The following MECOM variants were observed in gnomAD, a reference collection of about 807,000 sequenced individuals.
MECOM encodes histone-lysine N-methyltransferase MECOM.
Under a neutral mutation model 116.3 loss-of-function variants are expected in MECOM, and 13 were observed. The ratio of observed to expected loss-of-function variants is 0.11; its 90% CI spans 0.07 to 0.18. The LOEUF (loss-of-function observed/expected upper bound fraction) is 0.18. Ranked by LOEUF, MECOM falls within the 10% of genes least tolerant of loss-of-function variation. The probability of loss-of-function intolerance (pLI) is 1.00; values close to 1 mark genes in which losing one functional copy is unlikely to be tolerated. For missense variants in MECOM, 1,299 were observed against 1,509.0 expected, an observed-to-expected ratio of 0.86 and a Z score of 2.31; for synonymous variants, 528 against 535.2, an observed-to-expected ratio of 0.99 and a Z score of 0.19.
intron 2 of MECOM, among the ~76,000 whole-genome samples, chr3:169,220,806 T>C (rs1752043315): frequency 6.6e-6 from 1 of 152,182 alleles, no homozygotes; most frequent in Non-Finnish European, 1.5e-5. Flanking sequence ...ACTTTTTTAT[T>C]GTCTTTTCTC....
intron 2 of MECOM, among the ~76,000 whole-genome samples, chr3:169,303,526 G>A (rs1717142488): frequency 6.6e-6 from 1 of 152,176 alleles, no homozygotes; most frequent in South Asian, 2.1e-4. Context: ...GAACACTCAA[G>A]TGTAAGATAA....
At chr3:169,567,918 A>G (rs1269014525) in intron 1 of MECOM, among the ~76,000 whole-genome samples, 1 of 152,192 alleles carries the variant, frequency 6.6e-6, no homozygotes. Flanking sequence ...AAAACAAAAA[A>G]GGAGAGGGGC....
At chr3:169,555,787 C>T (rs2109332955) in intron 1 of MECOM, among the ~76,000 whole-genome samples, 1 of 152,294 alleles carries the variant, frequency 6.6e-6, no homozygotes, top group Middle Eastern at 3.4e-3. Context: ...ACTTTAATAC[C>T]TGTTGGAACA....
intron 2 of MECOM, among the ~76,000 whole-genome samples, chr3:169,155,293 T>C (rs1741785560): frequency 6.6e-6 from 1 of 152,186 alleles, no homozygotes; most frequent in Non-Finnish European, 1.5e-5. Context: ...AATATTGCCA[T>C]ACTTGCCTTA....
intron 2 of MECOM, among the ~76,000 whole-genome samples, chr3:169,235,278 A>G (rs1307979620): frequency 6.6e-6 from 1 of 152,186 alleles, no homozygotes; most frequent in Non-Finnish European, 1.5e-5. Context: ...TCCTCTTTTT[A>G]GAGCTGGAGA....
At chr3:169,183,879 T>C (rs1482868364) in intron 2 of MECOM, among the ~76,000 whole-genome samples, 1 of 151,230 alleles carries the variant, frequency 6.6e-6, no homozygotes, top group East Asian at 1.9e-4. Flanking sequence ...TCTTTTTTTT[T>C]AGTGAGACGG....
At chr3:169,194,623 G>C (rs1185100621) in intron 2 of MECOM, among the ~76,000 whole-genome samples, 1 of 151,852 alleles carries the variant, frequency 6.6e-6, no homozygotes, top group Non-Finnish European at 1.5e-5. Context: ...TTACACATCT[G>C]GAAAGCCATA....
At chr3:169,138,827 C>T (rs529349275) in intron 3 of MECOM, among the ~76,000 whole-genome samples, 6 of 151,952 alleles carry the variant, frequency 3.9e-5, no homozygotes, top group South Asian at 2.1e-4. Context: ...TTGTACTAAT[C>T]GAAAGATGCA....
At chr3:169,609,800 A>G (rs1384977006) in intron 1 of MECOM, among the ~76,000 whole-genome samples, 1 of 152,192 alleles carries the variant, frequency 6.6e-6, no homozygotes, top group Non-Finnish European at 1.5e-5. Flanking sequence ...CATTATTAAT[A>G]GCTATTAGGT....
chr3:169,478,049 C>T (rs1750754078), intron 1 of MECOM, among the ~76,000 whole-genome samples: 1 of 152,092 alleles, frequency 6.6e-6, no homozygotes, highest in African/African-American at 2.4e-5. Context: ...AACAAATGTC[C>T]TAGCAAACTG....
At position 169,524,659 on chromosome 3, in the gene MECOM, A is replaced by G. The variant is rs187506125; in HGVS notation, c.37+138677T>C. Among the ~76,000 whole-genome samples, 3 of 152,330 alleles carry G rather than the reference A, an allele frequency of 2.0e-5. No individual in the cohort carries two copies. In the East Asian group the frequency reaches 5.8e-4, roughly 29 times the overall value. On this transcript the variant is annotated intron_variant, in intron 1 of 16. Transcript: ENST00000651503. ...GGGACCCAGATACCACCATGATTTA[A>G]GTAAACAACAACCCTACTGAATTTA...
intron 2 of MECOM, among the ~76,000 whole-genome samples, chr3:169,267,323 A>G (rs1758432717): frequency 6.6e-6 from 1 of 152,212 alleles, no homozygotes; most frequent in African/African-American, 2.4e-5. Context: ...GTGTTGATTG[A>G]GACCCGGTGT....
At chr3:169,151,792 TA>T (rs1351705365) in intron 2 of MECOM, among the ~76,000 whole-genome samples, 1 of 152,212 alleles carries the variant, frequency 6.6e-6, no homozygotes, top group Non-Finnish European at 1.5e-5. Context: ...AGAAATAATG[TA>T]AGTATGTCTT....
chr3:169,298,491 T>A (rs909081565), intron 2 of MECOM, among the ~76,000 whole-genome samples: 8 of 151,926 alleles, frequency 5.3e-5, no homozygotes, highest in African/African-American at 1.7e-4. Context: ...CATCTATTTA[T>A]ATATACATAT....
chr3:169,084,159 A>C lies in MECOM; in HGVS notation c.*750T>G, dbSNP rs2148803019. On this transcript the variant is annotated 3_prime_UTR_variant, in exon 17 of 17. Transcript: ENST00000651503. The stretch of plus-strand genomic sequence containing the variant: ...ACACACAAAAAAATAAACATTAAAA[A>C]CAGTGACATGATTGTCTAAAATTAA... The C allele has an allele frequency of 4.3e-6, 1 of 232,204 alleles. No homozygotes were observed. Among genetic ancestry groups the C allele is most frequent in the South Asian group, 1.8e-4 (1 of 5,516 alleles). 14.4% of individuals were successfully genotyped at this position (232,204 alleles called of 1,614,324 possible).
At chr3:169,143,292 A>G (rs990191211) in intron 3 of MECOM, among the ~76,000 whole-genome samples, 3 of 152,146 alleles carry the variant, frequency 2.0e-5, no homozygotes, top group Non-Finnish European at 4.4e-5. Flanking sequence ...TACATTTCAA[A>G]TAAAACCTAT....
At chr3:169,178,937 T>C (rs1397796397) in intron 2 of MECOM, among the ~76,000 whole-genome samples, 2 of 152,202 alleles carry the variant, frequency 1.3e-5, no homozygotes, top group Non-Finnish European at 2.9e-5. Flanking sequence ...CTATTAATCA[T>C]GAAATTACAG....
At chr3:169,623,093 G>A (rs1476074186) in intron 1 of MECOM, among the ~76,000 whole-genome samples, 1 of 152,152 alleles carries the variant, frequency 6.6e-6, no homozygotes, top group Non-Finnish European at 1.5e-5. Context: ...ATTCAGATTA[G>A]ATGTGAAGCC....
intron 1 of MECOM, among the ~76,000 whole-genome samples, chr3:169,521,903 A>G (rs564102931): frequency 1.3e-5 from 2 of 152,310 alleles, no homozygotes; most frequent in East Asian, 3.9e-4. Flanking sequence ...GTTATTCCCT[A>G]AACAATACAG....
Sources: allele counts gnomAD v4.1 joint callset (sites outside exome capture counted in the v4.1 genomes callset), GRCh38; gene constraint gnomAD v4.1.1; transcripts MANE v1.5; gene names NCBI Gene and HGNC (gene_info 2026-07-23, HGNC 2026-07-21).